The following ZNF573 variants were observed in gnomAD, a reference collection of about 807,000 sequenced individuals.
The protein encoded by ZNF573 is zinc finger protein 573.
In ZNF573, 41 loss-of-function variants were observed where a neutral mutation model predicts 57.4. That is an observed-to-expected ratio of 0.71 (90% confidence interval 0.56 to 0.93). ZNF573 has a LOEUF of 0.93. ZNF573 is among the 40% of genes least tolerant of loss of function. The pLI is 0.00. For missense variants in ZNF573, 730 were observed against 794.8 expected (o/e 0.92, Z 0.98); for synonymous variants, 249 against 261.0 (o/e 0.95, Z 0.44).
intron 1 of ZNF573, among the ~76,000 whole-genome samples, chr19:37,779,078 G>A (rs2045739225): frequency 6.6e-6 from 1 of 152,162 alleles, no homozygotes; most frequent in Admixed American, 6.5e-5. Context: ...GCAGCTGTGA[G>A]GAGGGAGGAG....
chr19:37,741,399 G>A (rs1360246518), intron 4 of ZNF573, among the ~76,000 whole-genome samples: 1 of 152,056 alleles, frequency 6.6e-6, no homozygotes, highest in Non-Finnish European at 1.5e-5. Flanking sequence ...TCAAGTAACT[G>A]GGACTACAGA....
rs1490564531 is a variant in ZNF573 at position 37,758,603 on chromosome 19, A to G, written c.295+11402T>C. On this transcript the variant is annotated intron_variant, in intron 4 of 4. Transcript: ENST00000536220. ...CGACAGAGCAAGACTCCATCTAAAA[A>G]AAAAAAAAAAAGGAAAAAAAAAATT... 2.6e-5 allele frequency: 4 copies of G among 151,122 alleles called. No homozygotes were observed. The East Asian group carries it at 5.8e-4, about 22-fold the overall frequency. The allele number at this position is 151,122 out of a possible 1,614,324, so 9.4% of individuals were successfully genotyped here. A position where few individuals can be genotyped will look rare whatever the true frequency, so the allele number is the denominator to read the frequency against.
chr19:37,773,567 G>C, intron 2 of ZNF573, 94 bp downstream of exon 2: 1 of 898,196 alleles, frequency 1.1e-6, no homozygotes, highest in Admixed American at 2.4e-5. Flanking sequence ...GATAACTGAA[G>C]GAGGCCTTCT....
intron 1 of ZNF573, among the ~76,000 whole-genome samples, chr19:37,777,615 A>G (rs1176222362): frequency 1.3e-5 from 2 of 152,066 alleles, no homozygotes; most frequent in East Asian, 3.9e-4. Flanking sequence ...AAGACATAAT[A>G]ATGATATAAT....
chr19:37,746,556 C>T (rs1203753251), intron 4 of ZNF573, among the ~76,000 whole-genome samples: 4 of 151,934 alleles, frequency 2.6e-5, no homozygotes, highest in East Asian at 3.9e-4. Context: ...CATACATCGG[C>T]GAATGTGCAT....
chr19:37,776,987 T>C (rs1452048442), intron 1 of ZNF573, among the ~76,000 whole-genome samples: 2 of 152,044 alleles, frequency 1.3e-5, no homozygotes, highest in Admixed American at 6.6e-5. Context: ...CAAAAGATAA[T>C]AGATGTTGCC....
chr19:37,744,663 C>A (rs186052210), intron 4 of ZNF573, among the ~76,000 whole-genome samples: 2 of 150,576 alleles, frequency 1.3e-5, no homozygotes, highest in Non-Finnish European at 3.0e-5. Context: ...ATTTCTAGAG[C>A]CTAGGCGGCC....
chr19:37,741,045 T>C (rs556962482), intron 4 of ZNF573, among the ~76,000 whole-genome samples: 25 of 152,312 alleles, frequency 1.6e-4, no homozygotes, highest in African/African-American at 5.8e-4. Context: ...GCAGAACCCA[T>C]AGATACAAAG....
chr19:37,769,257 T>C (rs1196784179), intron 4 of ZNF573, among the ~76,000 whole-genome samples: 6 of 151,612 alleles, frequency 4.0e-5, no homozygotes, highest in Admixed American at 2.6e-4. Flanking sequence ...CATGAGCCAC[T>C]GCGCCCAGCC....
chr19:37,774,126 C>CTTT lies in ZNF573; in HGVS notation c.-22-378_-22-376dup, dbSNP rs539456711. Among the ~76,000 whole-genome samples, 49 of 87,786 alleles carry CTTT rather than the reference C, an allele frequency of 5.6e-4. 4 individuals carry two copies. The highest frequency in any genetic ancestry group is 1.5e-3 in the South Asian group (4 of 2,584). The allele number at this position is 87,786 out of a possible 152,430, so 57.6% of individuals were successfully genotyped here. On this transcript the variant is annotated intron_variant, in intron 1 of 4. Transcript: ENST00000536220. ...GACTTATCGTTCAAACTAGAAGCTT[C>CTTT]TTTTTTTTTTTTTTTTTTTTTTTTT...
chr19:37,738,797 G>A lies in ZNF573; in HGVS notation c.1693C>T (p.Arg565Cys), dbSNP rs368362975. 1.3e-5 allele frequency: 21 copies of A among 1,613,868 alleles called. No individual in the cohort carries two copies. Among genetic ancestry groups the A allele is most frequent in the South Asian group, 5.5e-5 (5 of 91,046 alleles). Residue 565 changes from arginine (R) to cysteine (C), a missense_variant, in exon 5 of 5, where the codon CGT becomes TGT. Transcript: ENST00000536220. ...TGATGTGCAGTAAGGTGTGAACTAC[G>A]TCTAAAGGTCTTCCCACATTCCTTA... ...ECKECGKTFR[R>C]SSHLTAHQSI...
Position 37,764,127 on chromosome 19 carries a change from A to G in ZNF573, c.295+5878T>C, listed in dbSNP as rs950007601. Among the ~76,000 whole-genome samples the G allele has an allele frequency of 2.6e-5, 4 of 151,968 alleles. 1 individual carries two copies. Among genetic ancestry groups the G allele is most frequent in the Non-Finnish European group, 5.9e-5 (4 of 67,964 alleles). ...ACTTGCATGGTATTTTAATTTTATCATCACTGGAGTATTGGAGAATTGGTA... is the reference window on the plus strand; with the variant it reads ...ACTTGCATGGTATTTTAATTTTATCGTCACTGGAGTATTGGAGAATTGGTA... On this transcript the variant is annotated intron_variant, in intron 4 of 4. Coordinates refer to ENST00000536220, the MANE Select transcript of ZNF573 (RefSeq NM_001172690.2).
chr19:37,772,263 A>T (rs1350853456), intron 2 of ZNF573, among the ~76,000 whole-genome samples: 4 of 151,974 alleles, frequency 2.6e-5, no homozygotes, highest in Non-Finnish European at 5.9e-5. Context: ...CCTTTCAAGT[A>T]GTTGGTACTA....
intron 1 of ZNF573, chr19:37,778,655 A>T (rs553882129): frequency 6.6e-6 from 1 of 152,246 alleles, no homozygotes; most frequent in African/African-American, 2.4e-5. Flanking sequence ...CAACTAGCCT[A>T]AACATTGAGT....
intron 4 of ZNF573, among the ~76,000 whole-genome samples, chr19:37,752,539 C>A (rs1304730559): frequency 5.3e-5 from 8 of 152,108 alleles, no homozygotes; most frequent in African/African-American, 1.9e-4. Flanking sequence ...TTTTTATATG[C>A]AGAATAAGCA....
At chr19:37,767,627 C>T (rs2045614404) in intron 4 of ZNF573, among the ~76,000 whole-genome samples, 1 of 152,130 alleles carries the variant, frequency 6.6e-6, no homozygotes, top group Admixed American at 6.6e-5. Context: ...GCCCTAACAC[C>T]TTACCTCTTG....
chr19:37,748,035 A>T (rs914055506), intron 4 of ZNF573, among the ~76,000 whole-genome samples: 1 of 152,220 alleles, frequency 6.6e-6, no homozygotes, highest in Non-Finnish European at 1.5e-5. Flanking sequence ...ACAAAAAAAC[A>T]ACAGACTTGG....
At chr19:37,774,304 A>AT (rs1218618463) in intron 1 of ZNF573, among the ~76,000 whole-genome samples, 6 of 151,124 alleles carry the variant, frequency 4.0e-5, no homozygotes, top group Non-Finnish European at 5.9e-5. Context: ...CACCTAGCTA[A>AT]TTTTTTTTGT....
chr19:37,749,553 T>C (rs1160346974), intron 4 of ZNF573, among the ~76,000 whole-genome samples: 1 of 151,984 alleles, frequency 6.6e-6, no homozygotes, highest in Admixed American at 6.6e-5. Flanking sequence ...AACTTGAAAA[T>C]TGGTGACCTA....
Sources: allele counts gnomAD v4.1 joint callset (sites outside exome capture counted in the v4.1 genomes callset), GRCh38; gene constraint gnomAD v4.1.1; transcripts MANE v1.5; gene names NCBI Gene and HGNC (gene_info 2026-07-23, HGNC 2026-07-21).